Variants in NCK2 observed in about 807,000 individuals in gnomAD.
NCK2 encodes cytoplasmic protein NCK2.
Under a neutral mutation model 33.9 loss-of-function variants are expected in NCK2, and 16 were observed. That is an observed-to-expected ratio of 0.47 (90% CI 0.32 to 0.72). The LOEUF (loss-of-function observed/expected upper bound fraction) is 0.72. NCK2 is among the 30% of genes least tolerant of loss of function. The pLI, the probability that NCK2 is intolerant of heterozygous loss-of-function variation, is 0.03. For synonymous variants in NCK2, 273 were observed against 239.9 expected (o/e 1.14, Z -1.27); for missense variants, 418 against 537.3 (o/e 0.78, Z 2.19).
At chr2:105,813,454 CT>C (rs1675364622) in intron 1 of NCK2, among the ~76,000 whole-genome samples, 1 of 152,244 alleles carries the variant, frequency 6.6e-6, no homozygotes, top group Non-Finnish European at 1.5e-5. Context: ...TAACTCCCTT[CT>C]TAACCCTGAA....
At chr2:105,861,132 T>C (rs1014777914) in intron 3 of NCK2, among the ~76,000 whole-genome samples, 1 of 152,146 alleles carries the variant, frequency 6.6e-6, no homozygotes, top group Admixed American at 6.6e-5. Flanking sequence ...AGATATGCCT[T>C]TACTAGGGAG....
intron 1 of NCK2, among the ~76,000 whole-genome samples, chr2:105,778,298 A>T (rs1490864520): frequency 1.3e-5 from 2 of 152,298 alleles, no homozygotes; most frequent in East Asian, 1.9e-4. Flanking sequence ...TCCTGGAGGC[A>T]TGTGTCTCCA....
At chr2:105,749,712 G>A (rs1232586354) in intron 1 of NCK2, among the ~76,000 whole-genome samples, 1 of 152,060 alleles carries the variant, frequency 6.6e-6, no homozygotes, top group Non-Finnish European at 1.5e-5. Context: ...AGTTGACTGA[G>A]GTTGAGCGGT....
chr2:105,765,882 A>G (rs1689925227), intron 1 of NCK2, among the ~76,000 whole-genome samples: 1 of 151,670 alleles, frequency 6.6e-6, no homozygotes, highest in African/African-American at 2.4e-5. Flanking sequence ...ATAAAAAATT[A>G]AGAGTCTAGG....
intron 1 of NCK2, among the ~76,000 whole-genome samples, chr2:105,769,739 G>A (rs751211620): frequency 1.3e-5 from 2 of 152,212 alleles, no homozygotes; most frequent in Admixed American, 6.5e-5. Flanking sequence ...GCGGCCACAG[G>A]AGCCACTGTG....
intron 1 of NCK2, among the ~76,000 whole-genome samples, chr2:105,750,492 C>G (rs1028573048): frequency 6.6e-6 from 1 of 152,196 alleles, no homozygotes; most frequent in Non-Finnish European, 1.5e-5. Flanking sequence ...TTTAGGAAGA[C>G]CTGGTGCTCC....
At chr2:105,860,612 C>A (rs1377089739) in intron 3 of NCK2, among the ~76,000 whole-genome samples, 1 of 152,082 alleles carries the variant, frequency 6.6e-6, no homozygotes, top group Non-Finnish European at 1.5e-5. Flanking sequence ...AGCATCTCCA[C>A]TGGGTGATCA....
intron 4 of NCK2, among the ~76,000 whole-genome samples, chr2:105,888,690 C>T (rs565092779): frequency 1.9e-4 from 29 of 152,290 alleles, no homozygotes; most frequent in African/African-American, 4.6e-4. Flanking sequence ...GTGGCAGAAG[C>T]GATGGAGGGC....
chr2:105,759,147 C>A (rs574707478), intron 1 of NCK2, among the ~76,000 whole-genome samples: 1 of 152,260 alleles, frequency 6.6e-6, no homozygotes, highest in African/African-American at 2.4e-5. Flanking sequence ...TACCTAGATT[C>A]CTGGTTCTTG....
intron 1 of NCK2, among the ~76,000 whole-genome samples, chr2:105,795,289 T>G (rs1691038911): frequency 6.9e-6 from 1 of 145,688 alleles, no homozygotes. Context: ...GTGTATACAG[T>G]GATATATTTT....
intron 2 of NCK2, among the ~76,000 whole-genome samples, chr2:105,833,461 G>A (rs1030171958): frequency 6.6e-6 from 1 of 151,558 alleles, no homozygotes; most frequent in Non-Finnish European, 1.5e-5. Flanking sequence ...GTTTTCCTTG[G>A]GTTTTCTAAG....
intron 2 of NCK2, among the ~76,000 whole-genome samples, chr2:105,827,463 AAGTC>A: frequency 6.6e-6 from 1 of 152,300 alleles, no homozygotes; most frequent in Middle Eastern, 3.4e-3. Flanking sequence ...AGTACACAGA[AAGTC>A]AGCAGGGCTA....
intron 3 of NCK2, chr2:105,857,073 C>G (rs1258013999): frequency 6.9e-6 from 1 of 145,670 alleles, no homozygotes; most frequent in Non-Finnish European, 1.5e-5. Flanking sequence ...TCTAGTAAAG[C>G]ATGAAGTGCT....
At chr2:105,864,200 G>A (rs953621255) in intron 3 of NCK2, among the ~76,000 whole-genome samples, 1 of 152,052 alleles carries the variant, frequency 6.6e-6, no homozygotes, top group African/African-American at 2.4e-5. Context: ...TGGGGTGTCC[G>A]GCAGGGGTCC....
At chr2:105,848,687 T>G (rs1239462314) in intron 2 of NCK2, 3 of 152,210 alleles carry the variant, frequency 2.0e-5, no homozygotes, top group African/African-American at 7.2e-5. Flanking sequence ...CAACTAGGCC[T>G]GCCTTCCTCT....
chr2:105,819,285 C>T lies in NCK2; in HGVS notation c.-17+2672C>T, dbSNP rs1018459336. On this transcript the variant is annotated intron_variant, in intron 2 of 4. Coordinates refer to ENST00000233154, the MANE Select transcript of NCK2 (RefSeq NM_003581.5). ...TTCCAAACCTAGGAGGTTTATCTTA[C>T]ATAAGAAAACTTCTCAAACCCATGG... Among the ~76,000 whole-genome samples, 5 of 144,848 alleles carry T rather than the reference C, an allele frequency of 3.5e-5. No homozygotes were observed. The Admixed American group carries it at 3.5e-4, about 10-fold the overall frequency.
chr2:105,764,142 C>T (rs1359813641), intron 1 of NCK2, among the ~76,000 whole-genome samples: 1 of 152,248 alleles, frequency 6.6e-6, no homozygotes, highest in Non-Finnish European at 1.5e-5. Context: ...AGAGCTTTCA[C>T]GTGGGTGCAT....
intron 2 of NCK2, among the ~76,000 whole-genome samples, chr2:105,826,362 T>G (rs1675942959): frequency 6.6e-6 from 1 of 152,154 alleles, no homozygotes; most frequent in African/African-American, 2.4e-5. Context: ...TACAATTCAA[T>G]TCAAGATAAG....
chr2:105,867,660 T>C (rs1245197597), intron 3 of NCK2, among the ~76,000 whole-genome samples: 1 of 152,142 alleles, frequency 6.6e-6, no homozygotes, highest in East Asian at 1.9e-4. Context: ...GTGGGGTGTG[T>C]GGGATTCACA....
Sources: allele counts gnomAD v4.1 joint callset (sites outside exome capture counted in the v4.1 genomes callset), GRCh38; gene constraint gnomAD v4.1.1; transcripts MANE v1.5; gene names NCBI Gene and HGNC (gene_info 2026-07-23, HGNC 2026-07-21).